The following DNAI7 variants were observed in gnomAD, a reference collection of about 807,000 sequenced individuals.
The protein encoded by DNAI7 is cancer susceptibility 1.
DNAI7 carries 78 observed loss-of-function variants against 86.6 expected under a neutral mutation model. That is an observed-to-expected ratio of 0.90 (90% confidence interval 0.75 to 1.09). DNAI7 has a LOEUF of 1.09. DNAI7 is among the 50% of genes least tolerant of loss of function. DNAI7 has a pLI of 0.00. For synonymous variants in DNAI7, 274 were observed against 273.0 expected, an observed-to-expected ratio of 1.00 and a Z score of -0.04; for missense variants, 753 against 810.2, an observed-to-expected ratio of 0.93 and a Z score of 0.86.
intron 9 of DNAI7, among the ~76,000 whole-genome samples, chr12:25,131,888 AT>A (rs1465088654): frequency 6.6e-6 from 1 of 152,164 alleles, no homozygotes; most frequent in Non-Finnish European, 1.5e-5. Context: ...CTCTCAAGAA[AT>A]TCTTGCCCTC....
At chr12:25,162,442 G>A (rs1034558159) in intron 2 of DNAI7, among the ~76,000 whole-genome samples, 1 of 152,220 alleles carries the variant, frequency 6.6e-6, no homozygotes, top group African/African-American at 2.4e-5. Flanking sequence ...TGCTACATAA[G>A]CAGATACGAA....
In DNAI7 at chr12:25,149,727, A is replaced by G. The variant is rs778468262; in HGVS notation, c.486T>C (p.Asp162=). 2.8e-5 allele frequency: 43 copies of G among 1,560,316 alleles called. No homozygotes were observed. The highest frequency in any genetic ancestry group is 1.1e-5 in the Non-Finnish European group (13 of 1,133,360). Residue 162 remains aspartate (D), a synonymous_variant, in exon 7 of 16, where the codon GAT becomes GAC. Transcript: ENST00000395987. ...KFILLETPPC[D]LQDKNIIQYQ... Reference sequence around the variant, plus strand: ...ACTGTATTATATTTTTATCTTGCAAATCACATGGTGGAGTTTCCAGTAAAA... The same window carrying G: ...ACTGTATTATATTTTTATCTTGCAAGTCACATGGTGGAGTTTCCAGTAAAA...
intron 10 of DNAI7, 35 bp from the exon 11 acceptor site, chr12:25,121,948 T>C (rs1326509621): frequency 9.8e-6 from 14 of 1,426,118 alleles, no homozygotes; most frequent in Non-Finnish European, 1.2e-5. Context: ...TTCAAATAGA[T>C]TACAGTTTAG....
At position 25,162,004 on chromosome 12, in the gene DNAI7, G is replaced by A. The variant is rs796342546; in HGVS notation, c.22-807C>T. On this transcript the variant is annotated intron_variant, in intron 2 of 15. Coordinates refer to ENST00000395987, the MANE Select transcript of DNAI7 (RefSeq NM_018272.5). ...AAAACATAAAGAGGATACCATTTTG[G>A]CAACAATTAACACAATTCAATAAAT... 1.1e-4 allele frequency among the ~76,000 whole-genome samples: 16 copies of A among 152,220 alleles called. No homozygotes were observed. In the South Asian group the frequency reaches 3.3e-3, roughly 32 times the overall value.
intron 13 of DNAI7, 73 bp downstream of exon 13, chr12:25,114,583 T>G (rs1285473811): frequency 1.0e-5 from 10 of 986,404 alleles, no homozygotes; most frequent in African/African-American, 1.6e-5. Flanking sequence ...TGATTGCTTT[T>G]GACAAACTAG....
chr12:25,179,443 T>C (rs959670224), intron 2 of DNAI7, among the ~76,000 whole-genome samples: 2 of 152,162 alleles, frequency 1.3e-5, no homozygotes, highest in Non-Finnish European at 2.9e-5. Context: ...CTATTAATTA[T>C]TGAAAGAGAA....
intron 6 of DNAI7, among the ~76,000 whole-genome samples, chr12:25,152,719 A>G (rs1164060630): frequency 2.6e-5 from 4 of 152,158 alleles, no homozygotes; most frequent in African/African-American, 4.8e-5. Context: ...GAAGTGAAGG[A>G]AAGGGCAGTT....
At position 25,144,580 on chromosome 12, in the gene DNAI7, A is replaced by G. The variant is rs139610045; in HGVS notation, c.787T>C (p.Tyr263His). The G allele has an allele frequency of 9.3e-6, 15 of 1,613,934 alleles. No homozygotes were observed. In the African/African-American group the frequency reaches 1.1e-4, roughly 11 times the overall value. The change falls in exon 9 of 16, where the codon TAT becomes CAT. Residue 263 changes from tyrosine to histidine, a missense_variant. Coordinates refer to ENST00000395987, the MANE Select transcript of DNAI7 (RefSeq NM_018272.5). The stretch of plus-strand genomic sequence containing the variant: ...GGGTGCAGTGCAGAAACATGATCAT[A>G]GTGGGTATGCAGGAGTCGTACAGCA... ...DIAVRLLHTH[Y>H]DHVSALHPVS...
At position 25,147,107 on chromosome 12, in the gene DNAI7, G is replaced by GTA; in HGVS notation, c.586-5_586-4dup. The GTA allele has an allele frequency of 6.6e-7, 1 of 1,514,270 alleles. No homozygotes were observed. The allele number at this position is 1,514,270 out of a possible 1,614,324, so 93.8% of individuals were successfully genotyped here. A position where few individuals can be genotyped will look rare whatever the true frequency, so the allele number is the denominator to read the frequency against. ...AGATCTGCCAAAGTACTAGCTTGCTGTAAGAGAAAAAGAAAACATTATAAA... is the reference window on the plus strand; with the variant it reads ...AGATCTGCCAAAGTACTAGCTTGCTGTATAAGAGAAAAAGAAAACATTATAAA... On this transcript the variant is annotated splice_region_variant and splice_polypyrimidine_tract_variant and intron_variant, in intron 7 of 15. Coordinates refer to ENST00000395987, the MANE Select transcript of DNAI7 (RefSeq NM_018272.5).
intron 2 of DNAI7, among the ~76,000 whole-genome samples, chr12:25,181,050 C>T (rs939622243): frequency 6.6e-6 from 1 of 152,258 alleles, no homozygotes; most frequent in African/African-American, 2.4e-5. Flanking sequence ...TCAGATGATC[C>T]GCCTGCCTTG....
At chr12:25,120,105 G>A (rs1940952083) in intron 11 of DNAI7, among the ~76,000 whole-genome samples, 1 of 152,128 alleles carries the variant, frequency 6.6e-6, no homozygotes, top group Non-Finnish European at 1.5e-5. Context: ...AGCTCAGGCT[G>A]GGACCTTATG....
chr12:25,149,049 T>C (rs1303450240), intron 7 of DNAI7, among the ~76,000 whole-genome samples: 1 of 152,146 alleles, frequency 6.6e-6, no homozygotes, highest in East Asian at 1.9e-4. Flanking sequence ...CAGGTTGAAG[T>C]GCAGTGGTTC....
chr12:25,184,036 TA>T (rs1282543475), intron 2 of DNAI7, among the ~76,000 whole-genome samples: 18 of 152,194 alleles, frequency 1.2e-4, no homozygotes, highest in Non-Finnish European at 2.2e-4. Context: ...CCAAGGACTT[TA>T]GAATGTCTTA....
intron 12 of DNAI7, among the ~76,000 whole-genome samples, chr12:25,118,719 G>A (rs551995766): frequency 3.9e-5 from 6 of 152,074 alleles, no homozygotes; most frequent in African/African-American, 7.2e-5. Context: ...ACACCATCAC[G>A]CCCAGCTAAT....
At chr12:25,142,282 T>C (rs758942972) in intron 9 of DNAI7, among the ~76,000 whole-genome samples, 3 of 150,914 alleles carry the variant, frequency 2.0e-5, no homozygotes, top group African/African-American at 4.9e-5. Flanking sequence ...CACTTATAAG[T>C]GGGAGCTAAG....
At chr12:25,194,792 G>T in intron 1 of DNAI7, 2 of 1,320,946 alleles carry the variant, frequency 1.5e-6, no homozygotes, top group Non-Finnish European at 2.1e-6. Flanking sequence ...ACTAGGTTGG[G>T]ACCAATTTTC....
At chr12:25,183,043 T>C (rs1489543126) in intron 2 of DNAI7, among the ~76,000 whole-genome samples, 2 of 151,918 alleles carry the variant, frequency 1.3e-5, no homozygotes, top group Admixed American at 6.6e-5. Context: ...ATATACATCA[T>C]AGCATACTAC....
intron 12 of DNAI7, among the ~76,000 whole-genome samples, chr12:25,118,106 G>A (rs948196789): frequency 1.3e-5 from 2 of 150,980 alleles, no homozygotes; most frequent in Admixed American, 6.6e-5. Flanking sequence ...ATTAGTTTTT[G>A]TATTTTTAGT....
At chr12:25,183,877 T>C (rs927387613) in intron 2 of DNAI7, among the ~76,000 whole-genome samples, 1 of 152,194 alleles carries the variant, frequency 6.6e-6, no homozygotes, top group Non-Finnish European at 1.5e-5. Context: ...TTATTCTGTA[T>C]TATTTCTTGG....
Sources: gnomAD v4.1 joint callset for allele counts (sites outside exome capture counted in the v4.1 genomes callset) on GRCh38, gnomAD v4.1.1 for gene constraint, MANE v1.5 for transcripts, NCBI Gene and HGNC (gene_info 2026-07-23, HGNC 2026-07-21) for gene names.